PGAM5: variants seen among roughly 807,000 people sequenced by gnomAD.
PGAM5 encodes PGAM family member 5, mitochondrial serine/threonine protein phosphatase, also known as serine/threonine-protein phosphatase PGAM5, mitochondrial.
PGAM5 carries 25 observed loss-of-function variants against 30.6 expected under a neutral mutation model. The observed-to-expected ratio is 0.82, with a 90% CI of 0.60 to 1.14. PGAM5 has a LOEUF of 1.14. Among genes scored for constraint, PGAM5 ranks in the 50% most tolerant of loss-of-function variants. The probability of loss-of-function intolerance (pLI) is 0.00; values close to 1 mark genes in which losing one functional copy is unlikely to be tolerated. For missense variants in PGAM5, 384 were observed against 408.5 expected (o/e 0.94, Z 0.52); for synonymous variants, 201 against 179.1 (o/e 1.12, Z -0.98).
rs112172720 is a variant in PGAM5, at chr12:132,716,947, CAA to C, written c.371-491_371-490del. 9.8e-3 allele frequency among the ~76,000 whole-genome samples: 1,495 copies of C among 152,338 alleles called. 20 individuals carry two copies. The highest frequency in any genetic ancestry group is 0.034 in the African/African-American group (1,402 of 41,584). ...GTTTTCACCTGGATGCAAAAGCTCA[CAA>C]GAGAAAAGGCATCTGCACTGGTGTC... On this transcript the variant is annotated intron_variant, in intron 2 of 5. Coordinates refer to ENST00000498926, the MANE Select transcript of PGAM5 (RefSeq NM_001170543.2).
At chr12:132,718,754 A>G (rs1593121585) in intron 5 of PGAM5, 8 of 1,613,286 alleles carry the variant, frequency 5.0e-6, no homozygotes, top group Non-Finnish European at 6.8e-6. Context: ...GCTGGATCCC[A>G]CTGGCAGCAT....
rs1175760874 is a variant in PGAM5, at chr12:132,722,583, A to G, written c.*1755A>G. On this transcript the variant is annotated 3_prime_UTR_variant, in exon 6 of 6. Transcript: ENST00000498926. ...ATATTCAAACATGTTGTGTGTACCC[A>G]GATATGCTGTTAATTTAGGAAAAAC... The G allele has an allele frequency of 6.6e-6, 1 of 152,092 alleles. No homozygotes were observed. Among genetic ancestry groups the G allele is most frequent in the African/African-American group, 2.4e-5 (1 of 41,416 alleles). The allele number at this position is 152,092 out of a possible 1,614,324, so 9.4% of individuals were successfully genotyped here.
chr12:132,711,724 T>A (rs897911672), intron 1 of PGAM5: 2 of 150,750 alleles, frequency 1.3e-5, no homozygotes, highest in Non-Finnish European at 1.5e-5. Context: ...GGTCCCAGGC[T>A]GCACAGTGTG....
intron 2 of PGAM5, among the ~76,000 whole-genome samples, chr12:132,717,166 G>T (rs1334745822): frequency 6.6e-6 from 1 of 152,208 alleles, no homozygotes; most frequent in African/African-American, 2.4e-5. Flanking sequence ...TCCATTGGTG[G>T]AATCAGATGC....
chr12:132,718,647 C>T (rs990568277), intron 5 of PGAM5: 29 of 1,069,686 alleles, frequency 2.7e-5, no homozygotes, highest in Middle Eastern at 2.0e-4. Context: ...GTCCTGGGTA[C>T]GGTGCATGCT....
chr12:132,717,824 G>A (rs2043597900), intron 4 of PGAM5, 26 bp downstream of exon 4: 1 of 1,578,848 alleles, frequency 6.3e-7, no homozygotes. Context: ...GGGGGCAGCT[G>A]TGTCACCCTC....
chr12:132,711,619 C>CA lies in PGAM5; in HGVS notation c.191+558dup, dbSNP rs1351451711. 11 of 151,978 alleles carry CA rather than the reference C, an allele frequency of 7.2e-5. No homozygotes were observed. The East Asian group carries it at 2.1e-3, about 29-fold the overall frequency. The allele number at this position is 151,978 out of a possible 1,614,324, so 9.4% of individuals were successfully genotyped here. A position where few individuals can be genotyped will look rare whatever the true frequency, so the allele number is the denominator to read the frequency against. On this transcript the variant is annotated intron_variant, in intron 1 of 5. Coordinates refer to ENST00000498926, the MANE Select transcript of PGAM5 (RefSeq NM_001170543.2). ...CAACATAGTGAGACCCCCATCTCTA[C>CA]AAAAAATACAAAAAAAATTGGCCGA...
intron 1 of PGAM5, among the ~76,000 whole-genome samples, chr12:132,714,086 C>T (rs1195658846): frequency 1.2e-4 from 19 of 152,136 alleles, no homozygotes; most frequent in African/African-American, 2.4e-4. Context: ...GGCACGATCT[C>T]GGCTCTCTGC....
Position 132,717,458 on chromosome 12 carries a change from C to T in PGAM5, c.390C>T (p.Leu130=), listed in dbSNP as rs757598711. 1.9e-6 allele frequency: 3 copies of T among 1,608,662 alleles called. No homozygotes were observed. In the East Asian group the frequency reaches 6.7e-5, roughly 36 times the overall value. ...TTCCAGGTCGGGAGCAGGCTGAACT[C>T]ACTGGGCTCCGCCTGGCAAGCTTGG... ...LTPLGREQAE[L]TGLRLASLGL... Residue 130 remains leucine, a synonymous_variant, in exon 3 of 6, where the codon CTC becomes CTT. Coordinates refer to ENST00000498926, the MANE Select transcript of PGAM5 (RefSeq NM_001170543.2).
rs982670759 is a variant in PGAM5, at chr12:132,720,672, C to T, written c.720-6C>T. ...GTGCTCTTTCTCTCTCTCTCTCTCTCCCCAGAGCACTGCAGTTTCCTCCTG... is the reference window on the plus strand; with the variant it reads ...GTGCTCTTTCTCTCTCTCTCTCTCTTCCCAGAGCACTGCAGTTTCCTCCTG... On this transcript the variant is annotated splice_region_variant and splice_polypyrimidine_tract_variant and intron_variant, in intron 5 of 5. Coordinates refer to ENST00000498926, the MANE Select transcript of PGAM5 (RefSeq NM_001170543.2). The T allele has an allele frequency of 1.3e-6, 2 of 1,535,096 alleles. No homozygotes were observed. The highest frequency in any genetic ancestry group is 1.4e-5 in the African/African-American group (1 of 72,980).
At chr12:132,720,649 G>GCTCTTT in intron 5 of PGAM5, 29 bp from the exon 6 acceptor site, 3 of 1,528,504 alleles carry the variant, frequency 2.0e-6, no homozygotes, top group Non-Finnish European at 2.6e-6. Flanking sequence ...GCTCTAACGT[G>GCTCTTT]CTCTTTCTCT....
At chr12:132,719,658 G>A (rs1019744792) in intron 5 of PGAM5, among the ~76,000 whole-genome samples, 14 of 152,294 alleles carry the variant, frequency 9.2e-5, no homozygotes, top group African/African-American at 3.4e-4. Context: ...GAGTGGAGCC[G>A]ACCTGAGTCC....
intron 1 of PGAM5, among the ~76,000 whole-genome samples, chr12:132,713,214 C>T (rs994746375): frequency 3.3e-5 from 5 of 152,162 alleles, no homozygotes; most frequent in African/African-American, 9.7e-5. Context: ...CAGCCTTTCT[C>T]TTTTAAGCAG....
Position 132,720,937 on chromosome 12 carries a change from G to A in PGAM5, c.*109G>A. 2 of 1,334,640 alleles carry A rather than the reference G, an allele frequency of 1.5e-6. No homozygotes were observed. Among genetic ancestry groups the A allele is most frequent in the Non-Finnish European group, 2.0e-6 (2 of 999,292 alleles). The allele number at this position is 1,334,640 out of a possible 1,614,324, so 82.7% of individuals were successfully genotyped here. A position where few individuals can be genotyped will look rare whatever the true frequency, so the allele number is the denominator to read the frequency against. On this transcript the variant is annotated 3_prime_UTR_variant, in exon 6 of 6. Coordinates refer to ENST00000498926, the MANE Select transcript of PGAM5 (RefSeq NM_001170543.2). The stretch of plus-strand genomic sequence containing the variant: ...GTAGAAACCTGCAATGCTGCATCTG[G>A]GAACTGACTTGTGACCAGGCTGAGA...
intron 2 of PGAM5, among the ~76,000 whole-genome samples, chr12:132,716,332 G>A (rs758681805): frequency 2.0e-5 from 3 of 151,638 alleles, no homozygotes; most frequent in South Asian, 2.1e-4. Flanking sequence ...TGATCCACCC[G>A]CCTCGGCCTC....
intron 1 of PGAM5, among the ~76,000 whole-genome samples, chr12:132,714,165 G>C (rs899087989): frequency 6.6e-6 from 1 of 152,096 alleles, no homozygotes; most frequent in Non-Finnish European, 1.5e-5. Flanking sequence ...TCACAGGCGT[G>C]TGCCACCAAG....
Position 132,711,244 on chromosome 12 carries a change from G to A in PGAM5, c.191+177G>A, listed in dbSNP as rs77303019. 5,292 of 439,602 alleles carry A rather than the reference G, an allele frequency of 0.012. 227 individuals are homozygous for A. Among genetic ancestry groups the A allele is most frequent in the African/African-American group, 0.096 (4,595 of 47,756 alleles). 27.2% of individuals were successfully genotyped at this position (439,602 alleles called of 1,614,324 possible). ...GGCCGCTCTGCGCGGAGGGTTCCGG[G>A]GGCGGCTGACCCTTCCCGCCGGCTT... On this transcript the variant is annotated intron_variant, in intron 1 of 5. Coordinates refer to ENST00000498926, the MANE Select transcript of PGAM5 (RefSeq NM_001170543.2).
At chr12:132,718,740 T>G (rs1203045068) in intron 5 of PGAM5, 2 of 1,613,006 alleles carry the variant, frequency 1.2e-6, no homozygotes, top group African/African-American at 2.7e-5. Flanking sequence ...ACCTTCTGCC[T>G]CCGGCTGGAT....
At chr12:132,717,299 C>CGGGTGGAGGAGGGGGTGTTTGT in intron 2 of PGAM5, 140 bp from the exon 3 acceptor site, 1 of 870,732 alleles carries the variant, frequency 1.1e-6, no homozygotes, top group East Asian at 7.3e-5. Context: ...GTCGTGTTTG[C>CGGGTGGAGGAGGGGGTGTTTGT]GGGCGGAGGA....
Sources: gnomAD v4.1 joint callset for allele counts (sites outside exome capture counted in the v4.1 genomes callset) on GRCh38, gnomAD v4.1.1 for gene constraint, MANE v1.5 for transcripts, NCBI Gene and HGNC (gene_info 2026-07-23, HGNC 2026-07-21) for gene names.